TENM2: variants seen among roughly 807,000 people sequenced by gnomAD.
TENM2 encodes the protein teneurin transmembrane protein 2.
Under a neutral mutation model 245.2 loss-of-function variants are expected in TENM2, and 52 were observed. That is an observed-to-expected ratio of 0.21 (90% CI 0.17 to 0.27). The LOEUF is 0.27. TENM2 is among the 10% of genes least tolerant of loss of function. TENM2 has a pLI of 1.00. For missense variants in TENM2, 3,046 were observed against 3,666.8 expected, an observed-to-expected ratio of 0.83 and a Z score of 4.37; for synonymous variants, 1,363 against 1,438.9, an observed-to-expected ratio of 0.95 and a Z score of 1.19.
At chr5:167,825,264 G>T (rs1472189506) in intron 2 of TENM2, among the ~76,000 whole-genome samples, 1 of 151,858 alleles carries the variant, frequency 6.6e-6, no homozygotes, top group Non-Finnish European at 1.5e-5. Flanking sequence ...GTACCTCTTT[G>T]CATAGTGCGT....
At chr5:167,848,387 G>A (rs1189223192) in intron 2 of TENM2, among the ~76,000 whole-genome samples, 1 of 152,010 alleles carries the variant, frequency 6.6e-6, no homozygotes, top group Non-Finnish European at 1.5e-5. Flanking sequence ...GTAAATCAAA[G>A]CCACTAAAAT....
intron 1 of TENM2, among the ~76,000 whole-genome samples, chr5:167,347,572 G>T (rs1320262778): frequency 6.6e-6 from 1 of 152,150 alleles, no homozygotes; most frequent in Non-Finnish European, 1.5e-5. Flanking sequence ...AGTGGTGAGA[G>T]CATTCTGGAA....
At chr5:168,075,248 G>T (rs1791367620) in intron 7 of TENM2, among the ~76,000 whole-genome samples, 1 of 152,158 alleles carries the variant, frequency 6.6e-6, no homozygotes, top group Non-Finnish European at 1.5e-5. Flanking sequence ...CATTCAGGTT[G>T]CTGTGAATGT....
chr5:167,957,845 G>T (rs1382307378), intron 4 of TENM2, among the ~76,000 whole-genome samples: 4 of 152,152 alleles, frequency 2.6e-5, no homozygotes, highest in Non-Finnish European at 5.9e-5. Context: ...GAGACTGTTT[G>T]TTATGATTTC....
At chr5:167,941,003 CATTATGGG>C (rs1485817286) in intron 3 of TENM2, among the ~76,000 whole-genome samples, 1 of 152,176 alleles carries the variant, frequency 6.6e-6, no homozygotes, top group Non-Finnish European at 1.5e-5. Flanking sequence ...TCCCTCTCTA[CATTATGGG>C]ATTAAGAATG....
chr5:167,826,806 C>A (rs1293366082), intron 2 of TENM2, among the ~76,000 whole-genome samples: 1 of 152,194 alleles, frequency 6.6e-6, no homozygotes, highest in Non-Finnish European at 1.5e-5. Context: ...GATATCCCAG[C>A]CATGTGGTTA....
intron 2 of TENM2, among the ~76,000 whole-genome samples, chr5:167,862,567 A>G (rs1291606772): frequency 1.3e-5 from 2 of 152,076 alleles, no homozygotes; most frequent in Admixed American, 6.5e-5. Flanking sequence ...TTCTCCCTTC[A>G]TGCTTCTTTG....
At chr5:167,481,711 A>G (rs1003360083) in intron 2 of TENM2, among the ~76,000 whole-genome samples, 3 of 152,340 alleles carry the variant, frequency 2.0e-5, no homozygotes, top group Middle Eastern at 3.4e-3. Flanking sequence ...TTTACAATAA[A>G]TGCCGGTGAT....
intron 2 of TENM2, among the ~76,000 whole-genome samples, chr5:167,429,016 A>G (rs1764045694): frequency 1.3e-5 from 2 of 152,166 alleles, no homozygotes; most frequent in Non-Finnish European, 2.9e-5. Flanking sequence ...GCATTCCCAG[A>G]AAGTATTTTT....
At chr5:167,995,606 A>G (rs2152022625) in intron 5 of TENM2, among the ~76,000 whole-genome samples, 1 of 152,288 alleles carries the variant, frequency 6.6e-6, no homozygotes, top group East Asian at 1.9e-4. Context: ...TGAAGTGCTG[A>G]TCTTGGCCCC....
At chr5:168,067,198 G>A (rs1304718909) in intron 7 of TENM2, among the ~76,000 whole-genome samples, 2 of 152,160 alleles carry the variant, frequency 1.3e-5, no homozygotes, top group African/African-American at 2.4e-5. Context: ...AAAAGTATAC[G>A]ATGGGCTTAC....
chr5:167,790,849 GGCTTCTC>G (rs1388428153), intron 2 of TENM2, among the ~76,000 whole-genome samples: 2 of 152,122 alleles, frequency 1.3e-5, no homozygotes, highest in Non-Finnish European at 2.9e-5. Context: ...CTGAAAACAA[GGCTTCTC>G]CATCAAATGC....
At chr5:167,133,702 T>C in the TENM2 span, among the ~76,000 whole-genome samples, 1 of 151,952 alleles carries the variant, frequency 6.6e-6, no homozygotes, top group African/African-American at 2.4e-5. Context: ...AGGGCCTTTG[T>C]TTCGTAGGCT....
intron 27 of TENM2, among the ~76,000 whole-genome samples, chr5:168,257,338 A>T (rs571740751): frequency 6.6e-6 from 1 of 152,238 alleles, no homozygotes; most frequent in East Asian, 1.9e-4. Context: ...GCAAGACTGA[A>T]AAGAGGAGGG....
At chr5:167,788,539 A>G (rs900778490) in intron 2 of TENM2, among the ~76,000 whole-genome samples, 2 of 152,252 alleles carry the variant, frequency 1.3e-5, no homozygotes, top group Non-Finnish European at 2.9e-5. Flanking sequence ...GAAATGCCAA[A>G]GAAGATCTCA....
chr5:167,358,130 T>A (rs769090280), intron 1 of TENM2, among the ~76,000 whole-genome samples: 11 of 152,260 alleles, frequency 7.2e-5, no homozygotes, highest in Non-Finnish European at 1.5e-5. Context: ...TTCACCCACT[T>A]CTTCTACCAG....
the TENM2 span, among the ~76,000 whole-genome samples, chr5:167,149,451 T>C: frequency 6.6e-6 from 1 of 152,176 alleles, no homozygotes; most frequent in Non-Finnish European, 1.5e-5. Flanking sequence ...GAAGATTACA[T>C]TCCTGAAATC....
At chr5:168,098,949 G>A (rs978461180) in intron 9 of TENM2, among the ~76,000 whole-genome samples, 34 of 151,552 alleles carry the variant, frequency 2.2e-4, no homozygotes, top group Admixed American at 7.9e-4. Context: ...TCTCACTGTC[G>A]CCCAAACTGG....
chr5:167,339,459 G>A (rs1206747610), intron 1 of TENM2, among the ~76,000 whole-genome samples: 1 of 151,672 alleles, frequency 6.6e-6, no homozygotes, highest in East Asian at 1.9e-4. Flanking sequence ...CAAATAAATG[G>A]TTGTTTAACC....
Sources: gnomAD v4.1 joint callset for allele counts (sites outside exome capture counted in the v4.1 genomes callset) on GRCh38, gnomAD v4.1.1 for gene constraint, MANE v1.5 for transcripts, NCBI Gene and HGNC (gene_info 2026-07-23, HGNC 2026-07-21) for gene names.